The following NAV2 variants were observed in gnomAD, a reference collection of about 807,000 sequenced individuals.
NAV2 encodes helicase, APC down-regulated 1.
NAV2 carries 54 observed loss-of-function variants against 223.2 expected under a neutral mutation model. The observed-to-expected ratio is 0.24, with a 90% CI of 0.19 to 0.30. NAV2 has a LOEUF of 0.30. NAV2 is among the 10% of genes least tolerant of loss of function. The pLI is 1.00. For missense variants in NAV2, 2,806 were observed against 3,147.5 expected, an observed-to-expected ratio of 0.89 and a Z score of 2.60; for synonymous variants, 1,279 against 1,239.3, an observed-to-expected ratio of 1.03 and a Z score of -0.67.
intron 1 of NAV2, among the ~76,000 whole-genome samples, chr11:19,528,848 TGAACTC>T (rs1184299634): frequency 4.0e-5 from 6 of 149,984 alleles, no homozygotes; most frequent in Non-Finnish European, 8.8e-5. Flanking sequence ...GAGAATCACT[TGAACTC>T]GGGAGGTGGA....
intron 10 of NAV2, among the ~76,000 whole-genome samples, chr11:19,954,089 G>A (rs1401113461): frequency 1.3e-5 from 2 of 152,222 alleles, no homozygotes; most frequent in Non-Finnish European, 2.9e-5. Flanking sequence ...GAGAAAGCCA[G>A]CTTAGCCTGT....
In NAV2 at chr11:19,712,848, C is replaced by A. The variant is rs1215970214; in HGVS notation, c.-848C>A. Reference sequence around the variant, plus strand: ...GCCGGCAGCAGCCTGTCCTCCCCTGCGCTGAGCCCCGCAGCCAGCGCAGCC... The same window carrying A: ...GCCGGCAGCAGCCTGTCCTCCCCTGAGCTGAGCCCCGCAGCCAGCGCAGCC... On this transcript the variant is annotated 5_prime_UTR_variant, in exon 1 of 38. Coordinates refer to ENST00000349880, the MANE Select transcript of NAV2 (RefSeq NM_145117.5). Among the ~76,000 whole-genome samples, 1 of 151,226 alleles carries A rather than the reference C, an allele frequency of 6.6e-6. No homozygotes were observed. The highest frequency in any genetic ancestry group is 1.5e-5 in the Non-Finnish European group (1 of 67,814).
chr11:19,926,949 G>A (rs544964276), intron 6 of NAV2, among the ~76,000 whole-genome samples: 21 of 152,274 alleles, frequency 1.4e-4, no homozygotes, highest in Admixed American at 9.1e-4. Flanking sequence ...TGGGGCCAGT[G>A]TCCGCCCTCA....
At chr11:19,930,082 A>G (rs1295820295) in intron 6 of NAV2, among the ~76,000 whole-genome samples, 1 of 152,012 alleles carries the variant, frequency 6.6e-6, no homozygotes, top group Non-Finnish European at 1.5e-5. Context: ...GCTTTATTCA[A>G]CTCTGTGTTC....
chr11:20,040,822 G>A (rs554701042), intron 12 of NAV2, among the ~76,000 whole-genome samples: 4 of 152,328 alleles, frequency 2.6e-5, no homozygotes, highest in East Asian at 1.9e-4. Flanking sequence ...GGCTGGTTCC[G>A]CTGTTGCGAG....
At chr11:19,559,380 G>A (rs2045018095) in intron 1 of NAV2, among the ~76,000 whole-genome samples, 1 of 152,128 alleles carries the variant, frequency 6.6e-6, no homozygotes. Context: ...TTTAACCCCC[G>A]AGCCTTGTTT....
rs1315303472 is a variant in NAV2, at chr11:19,696,804, T to G, written c.76-135680T>G. Among the ~76,000 whole-genome samples, 6 of 152,202 alleles carry G rather than the reference T, an allele frequency of 3.9e-5. 1 individual carries two copies. Among genetic ancestry groups the G allele is most frequent in the Non-Finnish European group, 8.8e-5 (6 of 68,046 alleles). ...ACAAAAAGACACCTTCTCCACCCTC[T>G]TGGAGATGATAGTTTGATTCAGTGG... On this transcript the variant is annotated intron_variant, in intron 1 of 37. Transcript: ENST00000360655.
chr11:19,823,641 T>C (rs2059500539), intron 1 of NAV2, among the ~76,000 whole-genome samples: 1 of 152,170 alleles, frequency 6.6e-6, no homozygotes. Context: ...GTGCCCAGCT[T>C]ATACAGTTTC....
intron 1 of NAV2, among the ~76,000 whole-genome samples, chr11:19,549,191 T>A (rs976601264): frequency 6.6e-6 from 1 of 152,136 alleles, no homozygotes; most frequent in Admixed American, 6.5e-5. Flanking sequence ...CCACACATTC[T>A]AAAAATAGGG....
Position 20,048,965 on chromosome 11 carries a change from C to G in NAV2, c.4140C>G (p.Asn1380Lys). The change falls in exon 15 of 38, where the codon AAC becomes AAG. Residue 1380 changes from asparagine to lysine, a missense_variant. Asn to Lys is a moderately conservative substitution (Grantham distance 94, BLOSUM62 0). This residue lies in a region of NAV2 where 742 missense variants were observed against 777.9 expected (regional missense o/e 0.95). Transcript: ENST00000349880. ...GCTCAGCCCACTCGGCCCCTTCCAA[C>G]AGCCTCACCTGGGGCACCAACGCCA... ...SPSSAHSAPS[N>K]SLTWGTNASS... 6.2e-7 allele frequency: 1 copy of G among 1,614,170 alleles called. No individual in the cohort carries two copies. Among genetic ancestry groups the G allele is most frequent in the Non-Finnish European group, 8.5e-7 (1 of 1,180,028 alleles).
At chr11:19,379,415 G>A (rs1389983086) in intron 1 of NAV2, among the ~76,000 whole-genome samples, 1 of 152,298 alleles carries the variant, frequency 6.6e-6, no homozygotes, top group Middle Eastern at 3.4e-3. Context: ...CAGAAGTAGG[G>A]AAAATTTCAA....
chr11:19,941,647 G>A (rs1283577942), intron 8 of NAV2, among the ~76,000 whole-genome samples: 5 of 152,008 alleles, frequency 3.3e-5, no homozygotes, highest in African/African-American at 1.2e-4. Flanking sequence ...AATGCATCTT[G>A]CATGATAGAA....
At chr11:20,009,855 A>G (rs1033522221) in intron 11 of NAV2, among the ~76,000 whole-genome samples, 2 of 151,928 alleles carry the variant, frequency 1.3e-5, no homozygotes, top group Non-Finnish European at 2.9e-5. Context: ...GTTAAATGTC[A>G]CCTCCTCCAG....
chr11:19,402,407 C>G (rs1371801383), intron 1 of NAV2, among the ~76,000 whole-genome samples: 1 of 152,196 alleles, frequency 6.6e-6, no homozygotes, highest in Non-Finnish European at 1.5e-5. Flanking sequence ...ACAGCGAACA[C>G]TTTGTAAGTA....
At chr11:19,915,940 C>A (rs1280633984) in intron 6 of NAV2, among the ~76,000 whole-genome samples, 5 of 152,146 alleles carry the variant, frequency 3.3e-5, no homozygotes, top group Non-Finnish European at 5.9e-5. Context: ...GACTCTGGAG[C>A]CACACAGATG....
chr11:19,941,058 G>A (rs1428229343), intron 8 of NAV2, among the ~76,000 whole-genome samples: 2 of 152,156 alleles, frequency 1.3e-5, no homozygotes, highest in African/African-American at 4.8e-5. Flanking sequence ...CAGATGTGTG[G>A]CCCGTGGAGC....
In NAV2 at chr11:20,083,050, C is replaced by T; in HGVS notation, c.5369C>T (p.Pro1790Leu). 6.2e-7 allele frequency: 1 copy of T among 1,614,122 alleles called. No individual in the cohort carries two copies. Among genetic ancestry groups the T allele is most frequent in the Non-Finnish European group, 8.5e-7 (1 of 1,180,008 alleles). ...FKQAFGKKKS[P>L]KSASSHSDIE... ...CAAGCTTTCGGGAAGAAGAAGTCCC[C>T]AAAATCTGCGTCCTCTCATTCAGAT... Residue 1790 changes from proline (P) to leucine (L), a missense_variant, in exon 26 of 38, where the codon CCA becomes CTA. Around this residue, in one of 4 missense-constraint regions of NAV2, gnomAD observed 824 missense variants for 1,069.4 expected, o/e 0.77. Transcript: ENST00000349880.
At chr11:19,538,907 A>ATATATATC (rs1554959751) in intron 1 of NAV2, among the ~76,000 whole-genome samples, 2 of 150,376 alleles carry the variant, frequency 1.3e-5, no homozygotes, top group Non-Finnish European at 2.9e-5. Flanking sequence ...ATATATATAT[A>ATATATATC]TCTTTCCACT....
chr11:19,346,358 G>A (rs899986452), upstream of NAV2, among the ~76,000 whole-genome samples: 3 of 152,192 alleles, frequency 2.0e-5, no homozygotes, highest in Admixed American at 2.0e-4. Context: ...GATCGGATCC[G>A]AGCCAAGCCG....
Sources: gnomAD v4.1 joint callset for allele counts (sites outside exome capture counted in the v4.1 genomes callset) on GRCh38, gnomAD v4.1.1 for gene constraint, gnomAD v4.1.1 regional missense constraint, MANE v1.5 for transcripts, NCBI Gene and HGNC (gene_info 2026-07-23, HGNC 2026-07-21) for gene names.